PZP: variants seen among roughly 807,000 people sequenced by gnomAD.
PZP encodes pregnancy zone protein.
A neutral mutation model predicts 179.8 loss-of-function variants in PZP; 150 were observed. That is an observed-to-expected ratio of 0.83 (90% CI 0.73 to 0.96). The LOEUF is 0.96. PZP is among the 40% of genes least tolerant of loss of function. The pLI, the probability that PZP is intolerant of heterozygous loss-of-function variation, is 0.00. For synonymous variants in PZP, 624 were observed against 652.3 expected, an observed-to-expected ratio of 0.96 and a Z score of 0.66; for missense variants, 1,689 against 1,764.0, an observed-to-expected ratio of 0.96 and a Z score of 0.76.
chr12:9,158,749 TTTC>T (rs1940946791), intron 25 of PZP, among the ~76,000 whole-genome samples, 173 bp from the exon 26 acceptor site: 1 of 81,852 alleles, frequency 1.2e-5, no homozygotes, highest in Non-Finnish European at 2.4e-5. Context: ...TCTTTTTTCT[TTTC>T]TTTTCTTTTT....
chr12:9,166,646 T>A (rs1273122126), intron 17 of PZP, among the ~76,000 whole-genome samples: 1 of 152,248 alleles, frequency 6.6e-6, no homozygotes, highest in Non-Finnish European at 1.5e-5. Flanking sequence ...TAAATTACTT[T>A]TACATAAATT....
chr12:9,151,524 G>A lies in PZP; in HGVS notation c.4281+80C>T, dbSNP rs763418095. ...CATTACTAATGATTGTTTTCCTCAT[G>A]TTACCGACTATTCTAGTAAAGAGAC... On this transcript the variant is annotated intron_variant, in intron 33 of 35. Coordinates refer to ENST00000261336, the MANE Select transcript of PZP (RefSeq NM_002864.3). 5.0e-5 allele frequency: 59 copies of A among 1,186,478 alleles called. No homozygotes were observed. The African/African-American group carries it at 7.9e-4, about 16-fold the overall frequency. The allele number at this position is 1,186,478 out of a possible 1,614,324, so 73.5% of individuals were successfully genotyped here.
intron 30 of PZP, 44 bp downstream of exon 30, chr12:9,153,081 C>T: frequency 1.9e-6 from 3 of 1,607,714 alleles, no homozygotes; most frequent in Non-Finnish European, 2.6e-6. Flanking sequence ...TTTCAATTGG[C>T]AAGTTTAAAG....
chr12:9,174,906 A>G (rs112830447), intron 15 of PZP, among the ~76,000 whole-genome samples: 1,720 of 152,346 alleles, frequency 0.011, 28 homozygotes, highest in African/African-American at 0.039. Flanking sequence ...TTATAGATTC[A>G]GTGCTATTCC....
downstream of PZP, among the ~76,000 whole-genome samples, chr12:9,144,373 C>A (rs1337027340): frequency 6.6e-6 from 1 of 151,994 alleles, no homozygotes; most frequent in Non-Finnish European, 1.5e-5. Context: ...TCATGTAAAT[C>A]ACTTGAAAAG....
Position 9,164,018 on chromosome 12 carries a change from A to C in PZP, c.2614+115T>G, listed in dbSNP as rs1217283381. 5 of 1,396,878 alleles carry C rather than the reference A, an allele frequency of 3.6e-6. No individual in the cohort carries two copies. In the African/African-American group the frequency reaches 4.4e-5, roughly 12 times the overall value. 86.5% of individuals were successfully genotyped at this position (1,396,878 alleles called of 1,614,324 possible). ...ATAGTGGATAGAAATAGGAAAAAAA[A>C]CTAACTTTATAGAATTATATCTATG... On this transcript the variant is annotated intron_variant, in intron 20 of 35. Coordinates refer to ENST00000261336, the MANE Select transcript of PZP (RefSeq NM_002864.3).
intron 1 of PZP, among the ~76,000 whole-genome samples, chr12:9,204,945 T>G (rs1944375215): frequency 6.6e-6 from 1 of 151,738 alleles, no homozygotes; most frequent in African/African-American, 2.4e-5. Context: ...AAAATTAAAA[T>G]AAAAAATTTA....
intron 25 of PZP, 120 bp downstream of exon 25, chr12:9,159,818 T>C: frequency 1.1e-6 from 1 of 889,160 alleles, no homozygotes; most frequent in Non-Finnish European, 1.7e-6. Context: ...ATTTCTTTTC[T>C]TTATAAATTA....
chr12:9,140,270 G>T, the PZP span, among the ~76,000 whole-genome samples: 2 of 152,180 alleles, frequency 1.3e-5, no homozygotes, highest in East Asian at 1.9e-4. Context: ...TAGTAGGGGG[G>T]GGCCCAGGAA....
At chr12:9,164,319 T>G in intron 19 of PZP, 60 bp from the exon 20 acceptor site, 1 of 1,541,740 alleles carries the variant, frequency 6.5e-7, no homozygotes. Context: ...CACGAACACA[T>G]AGAATTGGGG....
intron 8 of PZP, 104 bp downstream of exon 8, chr12:9,196,908 T>C (rs1943807968): frequency 8.5e-6 from 8 of 938,820 alleles, no homozygotes; most frequent in African/African-American, 1.7e-5. Context: ...TGGTGGGGGA[T>C]ATTTTGCGAC....
chr12:9,192,321 C>T (rs749432735), intron 12 of PZP, 65 bp from the exon 13 acceptor site: 1 of 1,480,712 alleles, frequency 6.8e-7, no homozygotes, highest in Admixed American at 1.7e-5. Flanking sequence ...TTCTATTCCC[C>T]ACATGACCCA....
At chr12:9,195,577 G>A (rs1157479636) in intron 10 of PZP, among the ~76,000 whole-genome samples, 1 of 150,992 alleles carries the variant, frequency 6.6e-6, no homozygotes, top group Non-Finnish European at 1.5e-5. Flanking sequence ...CCAAGCAGCT[G>A]GGACTACAGG....
rs113852330 is a variant in PZP at position 9,153,236 on chromosome 12, T to C, written c.3882A>G (p.Thr1294=). 2.6e-5 allele frequency: 42 copies of C among 1,614,172 alleles called. No individual in the cohort carries two copies. In the African/African-American group the frequency reaches 2.9e-4, roughly 11 times the overall value. The change falls in exon 30 of 36, where the codon ACA becomes ACG. Residue 1294 remains threonine (T), a synonymous_variant. Transcript: ENST00000261336. The stretch of plus-strand genomic sequence containing the variant: ...GGTTGTTGTTGTCTACTTGGAAATT[T>C]GTAGAAAAGGTCTGTGAATCCTGAA... The part of the protein sequence containing the change: ...VTVQDSQTFS[T]NFQVDNNNLL...
chr12:9,165,320 G>C lies in PZP; in HGVS notation c.2306C>G (p.Thr769Ser), dbSNP rs911371869. 7 of 1,614,058 alleles carry C rather than the reference G, an allele frequency of 4.3e-6. No homozygotes were observed. The African/African-American group carries it at 9.3e-5, about 22-fold the overall frequency. Residue 769 changes from threonine (T) to serine (S), a missense_variant, in exon 19 of 36, where the codon ACC (threonine) becomes AGC (serine). By Grantham distance (58) the Thr-to-Ser change is moderately conservative. Around this residue, in one of 3 missense-constraint regions of PZP, gnomAD observed 201 missense variants for 284.2 expected, o/e 0.71. Coordinates refer to ENST00000261336, the MANE Select transcript of PZP (RefSeq NM_002864.3). ...EVGVTVPDTI[T>S]EWKAGAFCLS... The stretch of plus-strand genomic sequence containing the variant: ...GCAGAAGGCCCCTGCCTTCCACTCG[G>C]TGATGGTGTCAGGGACTGTTACTCC...
chr12:9,165,995 G>A, intron 18 of PZP, 57 bp downstream of exon 18: 1 of 1,538,316 alleles, frequency 6.5e-7, no homozygotes, highest in Non-Finnish European at 8.7e-7. Flanking sequence ...AATTGAAAAT[G>A]TTGGAGGAAC....
chr12:9,137,921 G>T, the PZP span, among the ~76,000 whole-genome samples: 1 of 152,006 alleles, frequency 6.6e-6, no homozygotes, highest in Non-Finnish European at 1.5e-5. Flanking sequence ...TTTTAAAATG[G>T]AGCCTTTGGG....
At chr12:9,192,847 T>C in intron 11 of PZP, 108 bp from the exon 12 acceptor site, 2 of 702,350 alleles carry the variant, frequency 2.8e-6, no homozygotes, top group African/African-American at 3.5e-5. Flanking sequence ...AAATACACTA[T>C]GCCTCTCCCT....
intron 35 of PZP, 78 bp downstream of exon 35, chr12:9,149,483 T>A: frequency 7.2e-7 from 1 of 1,394,114 alleles, no homozygotes; most frequent in Admixed American, 2.0e-5. Flanking sequence ...AAAAGCCTTG[T>A]AGAGAATTTA....
Sources: allele counts gnomAD v4.1 joint callset (sites outside exome capture counted in the v4.1 genomes callset), GRCh38; gene constraint gnomAD v4.1.1; regional missense constraint gnomAD v4.1.1; transcripts MANE v1.5; gene names NCBI Gene and HGNC (gene_info 2026-07-23, HGNC 2026-07-21).